Variants in PLEKHA7 observed in about 807,000 individuals in gnomAD.
PLEKHA7 encodes the protein pleckstrin homology domain-containing family A member 7.
A neutral mutation model predicts 170.0 loss-of-function variants in PLEKHA7; 104 were observed. The ratio of observed to expected loss-of-function variants is 0.61; its 90% confidence interval spans 0.52 to 0.72. The LOEUF (loss-of-function observed/expected upper bound fraction) is 0.72, where lower values mean the gene tolerates loss of function less well. Among genes scored for constraint, PLEKHA7 ranks in the 30% least tolerant of loss-of-function variants. The pLI is 0.00. For missense variants in PLEKHA7, 1,615 were observed against 1,671.7 expected (o/e 0.97, Z 0.59); for synonymous variants, 648 against 660.8 (o/e 0.98, Z 0.30).
intron 9 of PLEKHA7, among the ~76,000 whole-genome samples, chr11:16,840,920 C>T (rs1406393729): frequency 2.0e-5 from 3 of 152,190 alleles, no homozygotes; most frequent in South Asian, 2.1e-4. Flanking sequence ...CAAGAGAATA[C>T]ACTTGAGTTT....
At chr11:16,865,914 T>C (rs774002859) in intron 4 of PLEKHA7, among the ~76,000 whole-genome samples, 6 of 151,816 alleles carry the variant, frequency 4.0e-5, no homozygotes, top group Non-Finnish European at 8.8e-5. Flanking sequence ...TTCAGCTCAC[T>C]GCAACCTCTG....
rs1590086942 is a variant in PLEKHA7, at chr11:16,778,628, A to C, written c.*370T>G. ...GGCTTGCCCCGCCCTTCCTGCCCCC[A>C]CAACACCTGTCACCCAGAAGTACCT... On this transcript the variant is annotated 3_prime_UTR_variant, in exon 27 of 27. Transcript: ENST00000531066. 2 of 256,118 alleles carry C rather than the reference A, an allele frequency of 7.8e-6. No homozygotes were observed. The highest frequency in any genetic ancestry group is 5.6e-5 in the South Asian group (1 of 17,844). The allele number at this position is 256,118 out of a possible 1,614,324, so 15.9% of individuals were successfully genotyped here. A position where few individuals can be genotyped will look rare whatever the true frequency, so the allele number is the denominator to read the frequency against.
At chr11:16,855,779 AG>A (rs1487082024) in intron 5 of PLEKHA7, 23 bp downstream of exon 5, 1 of 1,522,522 alleles carries the variant, frequency 6.6e-7, no homozygotes, top group South Asian at 1.1e-5. Flanking sequence ...AAGGGAAGGA[AG>A]GAACAAGTGG....
intron 26 of PLEKHA7, among the ~76,000 whole-genome samples, chr11:16,781,996 C>T (rs776463835): frequency 4.6e-5 from 7 of 152,124 alleles, no homozygotes; most frequent in Admixed American, 1.3e-4. Flanking sequence ...AAGGCACACA[C>T]AAGCAGGTGA....
At chr11:16,854,067 C>G (rs1028692316) in intron 6 of PLEKHA7, among the ~76,000 whole-genome samples, 1 of 152,212 alleles carries the variant, frequency 6.6e-6, no homozygotes, top group Non-Finnish European at 1.5e-5. Flanking sequence ...AGGGCAGGAA[C>G]CACGTTACTT....
At chr11:16,825,567 A>G (rs1428375971) in intron 10 of PLEKHA7, among the ~76,000 whole-genome samples, 1 of 152,238 alleles carries the variant, frequency 6.6e-6, no homozygotes, top group Non-Finnish European at 1.5e-5. Context: ...AATTATAATA[A>G]AATACAGACA....
chr11:16,862,743 T>G (rs1342923837), intron 4 of PLEKHA7, among the ~76,000 whole-genome samples: 3 of 152,102 alleles, frequency 2.0e-5, no homozygotes, highest in African/African-American at 7.2e-5. Context: ...TTGAATGAAC[T>G]AAAGACCCCA....
chr11:16,794,808 C>A, intron 18 of PLEKHA7, 94 bp from the exon 19 acceptor site: 3 of 1,518,454 alleles, frequency 2.0e-6, no homozygotes, highest in Non-Finnish European at 2.7e-6. Flanking sequence ...GAAGACTCAA[C>A]CTCCCCAAGG....
chr11:16,987,987 G>A lies in PLEKHA7; in HGVS notation c.221+26002C>T, dbSNP rs138235766. Among the ~76,000 whole-genome samples, 377 of 152,380 alleles carry A rather than the reference G, an allele frequency of 2.5e-3. 3 individuals carry two copies. The highest frequency in any genetic ancestry group is 8.4e-3 in the African/African-American group (349 of 41,586). On this transcript the variant is annotated intron_variant, in intron 3 of 26. Coordinates refer to ENST00000531066, the MANE Select transcript of PLEKHA7 (RefSeq NM_001329630.2). ...ACTGGGTGAAGTTTTCTCAGACAGT[G>A]TGTGGAAGGCCAGGCTCCCTGAAGT...
intron 3 of PLEKHA7, among the ~76,000 whole-genome samples, chr11:17,003,152 G>A (rs7930890): frequency 0.63 from 95,679 of 151,990 alleles, 30,791 homozygotes; most frequent in East Asian, 0.96. Context: ...CACAGTGCCC[G>A]GCTAATTTTG....
At chr11:16,971,439 G>T (rs2136715248) in intron 3 of PLEKHA7, among the ~76,000 whole-genome samples, 1 of 152,318 alleles carries the variant, frequency 6.6e-6, no homozygotes, top group South Asian at 2.1e-4. Flanking sequence ...AAAGTTTTTT[G>T]TTTGGTTTGA....
At chr11:16,826,993 T>C (rs1225684112) in intron 9 of PLEKHA7, among the ~76,000 whole-genome samples, 1 of 152,228 alleles carries the variant, frequency 6.6e-6, no homozygotes, top group Non-Finnish European at 1.5e-5. Flanking sequence ...CCGTAACTAC[T>C]ACTGCAAGAG....
chr11:16,809,859 T>G (rs1486759328), intron 13 of PLEKHA7, among the ~76,000 whole-genome samples: 1 of 152,258 alleles, frequency 6.6e-6, no homozygotes, highest in Non-Finnish European at 1.5e-5. Context: ...TTTTACAGGC[T>G]GTCTCTATGC....
intron 8 of PLEKHA7, among the ~76,000 whole-genome samples, chr11:16,849,983 C>T (rs73425209): frequency 0.058 from 8,849 of 152,170 alleles, 824 homozygotes; most frequent in African/African-American, 0.2. Context: ...GAAGATGAGA[C>T]TGACTTTCCA....
At chr11:16,924,036 A>C (rs1314750733) in intron 3 of PLEKHA7, among the ~76,000 whole-genome samples, 10 of 140,562 alleles carry the variant, frequency 7.1e-5, no homozygotes, top group East Asian at 2.1e-4. Flanking sequence ...CGTCCCTCCC[A>C]CCTCCCCAGA....
At chr11:16,999,205 C>T (rs1308006654) in intron 3 of PLEKHA7, among the ~76,000 whole-genome samples, 1 of 152,024 alleles carries the variant, frequency 6.6e-6, no homozygotes, top group Non-Finnish European at 1.5e-5. Context: ...CTCATCACTG[C>T]CACTGTCTGC....
At chr11:16,840,903 T>G (rs1323477483) in intron 9 of PLEKHA7, among the ~76,000 whole-genome samples, 4 of 152,158 alleles carry the variant, frequency 2.6e-5, no homozygotes, top group Non-Finnish European at 5.9e-5. Context: ...GTTCCACCCT[T>G]AGGTTACAAG....
chr11:16,928,734 CAT>C (rs1227709848), intron 3 of PLEKHA7, among the ~76,000 whole-genome samples: 1 of 152,104 alleles, frequency 6.6e-6, no homozygotes, highest in African/African-American at 2.4e-5. Context: ...GGATTACAGG[CAT>C]GAGCCACAGC....
chr11:16,995,307 T>C (rs1864273890), intron 3 of PLEKHA7, among the ~76,000 whole-genome samples: 1 of 152,212 alleles, frequency 6.6e-6, no homozygotes, highest in African/African-American at 2.4e-5. Context: ...TCACTCTTGT[T>C]GGTATCTACT....
Sources: allele counts gnomAD v4.1 joint callset (sites outside exome capture counted in the v4.1 genomes callset), GRCh38; gene constraint gnomAD v4.1.1; transcripts MANE v1.5; gene names NCBI Gene and HGNC (gene_info 2026-07-23, HGNC 2026-07-21).